The following EFCAB3 variants were observed in gnomAD, a reference collection of about 807,000 sequenced individuals.
The protein encoded by EFCAB3 is EF-hand calcium-binding domain-containing protein 3.
In EFCAB3, 36 loss-of-function variants were observed where a neutral mutation model predicts 42.2. The ratio of observed to expected loss-of-function variants is 0.85; its 90% confidence interval spans 0.65 to 1.13. The LOEUF is 1.13. Ranked by LOEUF, EFCAB3 falls within the 50% of genes most tolerant of loss-of-function variation. The pLI, the probability that EFCAB3 is intolerant of heterozygous loss-of-function variation, is 0.00. For missense variants in EFCAB3, 418 were observed against 505.1 expected, an observed-to-expected ratio of 0.83 and a Z score of 1.65; for synonymous variants, 170 against 172.8, an observed-to-expected ratio of 0.98 and a Z score of 0.13.
intron 8 of EFCAB3, among the ~76,000 whole-genome samples, chr17:62,409,186 T>C (rs990594914): frequency 6.6e-6 from 1 of 152,024 alleles, no homozygotes; most frequent in African/African-American, 2.4e-5. Flanking sequence ...GCCTCCCAAA[T>C]AGCTGGACCA....
chr17:62,392,706 C>T (rs551130044), intron 4 of EFCAB3, among the ~76,000 whole-genome samples: 153 of 152,104 alleles, frequency 1.0e-3, no homozygotes, highest in African/African-American at 3.3e-3. Flanking sequence ...GGCGCAATCT[C>T]AGCTCACTGC....
At chr17:62,408,952 CCTCT>C (rs1197804791) in intron 8 of EFCAB3, among the ~76,000 whole-genome samples, 2 of 152,214 alleles carry the variant, frequency 1.3e-5, no homozygotes, top group Non-Finnish European at 2.9e-5. Flanking sequence ...CTTTAGGAGG[CCTCT>C]CTAACAACCC....
intron 8 of EFCAB3, among the ~76,000 whole-genome samples, 176 bp downstream of exon 8, chr17:62,407,388 A>G (rs1021226928): frequency 6.6e-6 from 1 of 152,212 alleles, no homozygotes; most frequent in African/African-American, 2.4e-5. Context: ...AATTTCAACA[A>G]ATAGGTAAAC....
chr17:62,380,181 T>C (rs1269747351), upstream of EFCAB3, among the ~76,000 whole-genome samples: 5 of 152,152 alleles, frequency 3.3e-5, no homozygotes, highest in Non-Finnish European at 7.3e-5. Flanking sequence ...TTTGTATTTT[T>C]AATAGAGATG....
At position 62,397,818 on chromosome 17, in the gene EFCAB3, T is replaced by C. The variant is rs980033772; in HGVS notation, c.488+2630T>C. 40 of 312,354 alleles carry C rather than the reference T, an allele frequency of 1.3e-4. 1 individual carries two copies. Among genetic ancestry groups the C allele is most frequent in the South Asian group, 1.3e-3 (40 of 31,546 alleles). 19.3% of individuals were successfully genotyped at this position (312,354 alleles called of 1,614,324 possible). A position where few individuals can be genotyped will look rare whatever the true frequency, so the allele number is the denominator to read the frequency against. On this transcript the variant is annotated intron_variant, in intron 6 of 9. Transcript: ENST00000305286. Reference sequence around the variant, plus strand: ...GGCAGGTGGATCATGAGGTCAGGAGTTCGAGACCAGCCTGGCCAACATGGT... The same window carrying C: ...GGCAGGTGGATCATGAGGTCAGGAGCTCGAGACCAGCCTGGCCAACATGGT...
intron 6 of EFCAB3, among the ~76,000 whole-genome samples, chr17:62,399,354 G>C (rs1386862941): frequency 6.6e-6 from 1 of 151,940 alleles, no homozygotes; most frequent in Non-Finnish European, 1.5e-5. Flanking sequence ...TTTTTGTGGA[G>C]ATAGGTATTC....
At chr17:62,394,784 C>T (rs2070334818) in intron 5 of EFCAB3, among the ~76,000 whole-genome samples, 1 of 152,110 alleles carries the variant, frequency 6.6e-6, no homozygotes, top group Non-Finnish European at 1.5e-5. Flanking sequence ...GAATCTTTGC[C>T]TAGAACCAGA....
rs899554107 is a variant in EFCAB3, at chr17:62,407,064, T to C, written c.719T>C (p.Ile240Thr). ...GGTTCAGATAGCCCATATTCAAAAA[T>C]ACCCATCTTTCCATTGTTCCCTAAT... The part of the protein sequence containing the change: ...NSGSDSPYSK[I>T]PIFPLFPNVD... The change falls in exon 8 of 10, where the codon ATA becomes ACA. Residue 240 changes from isoleucine (I) to threonine (T), a missense_variant. Transcript: ENST00000305286. 1.9e-6 allele frequency: 3 copies of C among 1,598,664 alleles called. No individual in the cohort carries two copies. Among genetic ancestry groups the C allele is most frequent in the Admixed American group, 3.6e-5 (2 of 55,318 alleles).
At chr17:62,406,213 A>G (rs994048832) in intron 6 of EFCAB3, among the ~76,000 whole-genome samples, 4 of 152,142 alleles carry the variant, frequency 2.6e-5, no homozygotes, top group African/African-American at 9.7e-5. Context: ...CTCTAAAAAA[A>G]ACAAAAACAA....
intron 4 of EFCAB3, 61 bp downstream of exon 4, chr17:62,392,026 C>A: frequency 1.3e-6 from 2 of 1,503,548 alleles, no homozygotes; most frequent in East Asian, 2.3e-5. Context: ...ATATAGTTTT[C>A]TTTTAATGAC....
At chr17:62,389,828 AT>A (rs34050393) in intron 3 of EFCAB3, among the ~76,000 whole-genome samples, 133,352 of 151,876 alleles carry the variant, frequency 0.88, 60,280 homozygotes, top group Non-Finnish European at 1. Flanking sequence ...TTATTTATTT[AT>A]TTTTTTCTGT....
chr17:62,372,438 T>C (rs1218989985), intron 1 of EFCAB3, among the ~76,000 whole-genome samples: 1 of 151,908 alleles, frequency 6.6e-6, no homozygotes, highest in Non-Finnish European at 1.5e-5. Context: ...CACACCACCA[T>C]GCCCAGCTGA....
chr17:62,395,327 C>A, intron 6 of EFCAB3, 139 bp downstream of exon 6: 1 of 1,094,192 alleles, frequency 9.1e-7, no homozygotes, highest in Non-Finnish European at 1.3e-6. Flanking sequence ...TGGGCAAATG[C>A]CCTTGTGCTA....
chr17:62,411,772 G>C (rs1443100167), intron 8 of EFCAB3, among the ~76,000 whole-genome samples: 1 of 124,366 alleles, frequency 8.0e-6, no homozygotes, highest in Non-Finnish European at 1.6e-5. Flanking sequence ...TGTCTCTAAA[G>C]AAAGAAAGAA....
chr17:62,370,436 C>T (rs771870023), intron 1 of EFCAB3: 1 of 1,061,954 alleles, frequency 9.4e-7, no homozygotes, highest in African/African-American at 1.6e-5. Context: ...AGGTGGATCA[C>T]CTGAGGTCAG....
At position 62,404,192 on chromosome 17, in the gene EFCAB3, G is replaced by A. The variant is rs2070429272; in HGVS notation, c.489-2288G>A. Among the ~76,000 whole-genome samples the A allele has an allele frequency of 2.0e-5, 3 of 152,120 alleles. No homozygotes were observed. In the South Asian group the frequency reaches 6.2e-4, roughly 32 times the overall value. On this transcript the variant is annotated intron_variant, in intron 6 of 9. Transcript: ENST00000305286. ...AGCCCCAAGGGCTCTGGGCTATAGT[G>A]CACTATGCCAATCAGGTGAGATTTA...
intron 1 of EFCAB3, among the ~76,000 whole-genome samples, chr17:62,371,994 A>G (rs1419325898): frequency 6.6e-6 from 1 of 152,196 alleles, no homozygotes; most frequent in African/African-American, 2.4e-5. Flanking sequence ...GATTTATTCA[A>G]GCAACAAATA....
chr17:62,389,171 T>C (rs1340881592), intron 3 of EFCAB3, among the ~76,000 whole-genome samples: 1 of 152,206 alleles, frequency 6.6e-6, no homozygotes, highest in Non-Finnish European at 1.5e-5. Context: ...TTAGCTAGTT[T>C]AAACAATTTC....
At chr17:62,391,758 T>C in intron 3 of EFCAB3, 64 bp from the exon 4 acceptor site, 2 of 1,549,542 alleles carry the variant, frequency 1.3e-6, no homozygotes, top group East Asian at 4.5e-5. Context: ...TCTGTCCTAG[T>C]CCTATTAGTG....
Sources: gnomAD v4.1 joint callset for allele counts (sites outside exome capture counted in the v4.1 genomes callset) on GRCh38, gnomAD v4.1.1 for gene constraint, MANE v1.5 for transcripts, NCBI Gene and HGNC (gene_info 2026-07-23, HGNC 2026-07-21) for gene names.